VPS13A: variants seen among roughly 807,000 people sequenced by gnomAD.
VPS13A encodes vacuolar protein sorting 13 homolog A.
Under a neutral mutation model 390.9 loss-of-function variants are expected in VPS13A, and 264 were observed. The observed-to-expected ratio is 0.68, with a 90% CI of 0.61 to 0.75. The LOEUF (loss-of-function observed/expected upper bound fraction) is 0.75, where lower values mean the gene tolerates loss of function less well. Ranked by LOEUF, VPS13A falls within the 30% of genes least tolerant of loss-of-function variation. The probability of loss-of-function intolerance (pLI) is 0.00; values close to 1 mark genes in which losing one functional copy is unlikely to be tolerated. For synonymous variants in VPS13A, 1,231 were observed against 1,227.1 expected, an observed-to-expected ratio of 1.00 and a Z score of -0.07; for missense variants, 3,409 against 3,733.9, an observed-to-expected ratio of 0.91 and a Z score of 2.27.
At chr9:77,239,880 A>G (rs1824367687) in intron 19 of VPS13A, among the ~76,000 whole-genome samples, 1 of 151,862 alleles carries the variant, frequency 6.6e-6, no homozygotes, top group East Asian at 1.9e-4. Flanking sequence ...TTTTTATTTT[A>G]TAAATTACAG....
chr9:77,269,110 T>C (rs1035123615), intron 23 of VPS13A, among the ~76,000 whole-genome samples: 3 of 152,188 alleles, frequency 2.0e-5, no homozygotes, highest in African/African-American at 2.4e-5. Context: ...TTTCTCTAGA[T>C]ATTGAGCTTT....
chr9:77,247,741 A>G (rs950149457), intron 20 of VPS13A, among the ~76,000 whole-genome samples: 1 of 152,244 alleles, frequency 6.6e-6, no homozygotes, highest in East Asian at 1.9e-4. Context: ...GCTCACTGCA[A>G]CCTCTGCCTC....
chr9:77,343,728 G>A (rs552001052), intron 50 of VPS13A, among the ~76,000 whole-genome samples: 1 of 152,104 alleles, frequency 6.6e-6, no homozygotes, highest in African/African-American at 2.4e-5. Flanking sequence ...TACTTGTTTT[G>A]CGTACTTTGA....
Position 77,348,852 on chromosome 9 carries a change from C to T in VPS13A, c.7290-2465C>T, listed in dbSNP as rs1036871475. ...ATTGCCTGTCCCAGGTAGTCCAGTA[C>T]GTTTTTGCATAAGGAATACTCTGCA... On this transcript the variant is annotated intron_variant, in intron 52 of 71. Transcript: ENST00000360280. Among the ~76,000 whole-genome samples the T allele has an allele frequency of 2.6e-5, 4 of 152,052 alleles. No individual in the cohort carries two copies. The East Asian group carries it at 5.8e-4, about 22-fold the overall frequency.
intron 39 of VPS13A, among the ~76,000 whole-genome samples, chr9:77,316,862 ATACT>A (rs1367907320): frequency 6.6e-6 from 1 of 152,030 alleles, no homozygotes; most frequent in African/African-American, 2.4e-5. Flanking sequence ...TTGCTTTGAC[ATACT>A]TCACATTGAT....
At chr9:77,266,739 A>G (rs1826057781) in intron 23 of VPS13A, among the ~76,000 whole-genome samples, 1 of 152,050 alleles carries the variant, frequency 6.6e-6, no homozygotes, top group Non-Finnish European at 1.5e-5. Flanking sequence ...TCTCCTGGAT[A>G]ATATCCTGAA....
intron 23 of VPS13A, among the ~76,000 whole-genome samples, chr9:77,266,710 C>T (rs1826056861): frequency 6.6e-6 from 1 of 152,066 alleles, no homozygotes; most frequent in Non-Finnish European, 1.5e-5. Flanking sequence ...GTTGGCCTAT[C>T]TTGCTAGGTT....
At chr9:77,294,985 A>G (rs894402037) in intron 32 of VPS13A, among the ~76,000 whole-genome samples, 1 of 151,632 alleles carries the variant, frequency 6.6e-6, no homozygotes. Flanking sequence ...ATTTATTTTT[A>G]TAACCAAAAA....
At chr9:77,332,494 A>C (rs1830328120) in intron 46 of VPS13A, among the ~76,000 whole-genome samples, 1 of 151,852 alleles carries the variant, frequency 6.6e-6, no homozygotes, top group African/African-American at 2.4e-5. Flanking sequence ...AAATTCCTTT[A>C]GTAAACAATA....
rs549736047 is a variant in VPS13A, at chr9:77,282,957, A to G, written c.3119-398A>G. On this transcript the variant is annotated intron_variant, in intron 29 of 71. Transcript: ENST00000360280. ...GGTAACAGAGAGAGACTCTGTTTCG[A>G]AAAAAAAAAACAAAAAAGAGTATCA... Among the ~76,000 whole-genome samples, 25 of 125,896 alleles carry G rather than the reference A, an allele frequency of 2.0e-4. No homozygotes were observed. In the South Asian group the frequency reaches 3.0e-3, roughly 15 times the overall value. The allele number at this position is 125,896 out of a possible 152,430, so 82.6% of individuals were successfully genotyped here. A position where few individuals can be genotyped will look rare whatever the true frequency, so the allele number is the denominator to read the frequency against.
Position 77,332,076 on chromosome 9 carries a change from C to T in VPS13A, c.6058C>T (p.Pro2020Ser). The T allele has an allele frequency of 6.2e-7, 1 of 1,612,022 alleles. No homozygotes were observed. The highest frequency in any genetic ancestry group is 8.5e-7 in the Non-Finnish European group (1 of 1,178,600). ...GGATACCTTATTGGGAACTGCCTCA[C>T]CTGAAAATGAATTCAACATACCATT... ...EGDTLLGTAS[P>S]ENEFNIPLGS... Residue 2020 changes from proline (P) to serine (S), a missense_variant, in exon 46 of 72, where the codon CCT becomes TCT. Physicochemically the swap from Pro to Ser is moderately conservative, Grantham distance 74 (BLOSUM62 -1). Around this residue, in one of 5 missense-constraint regions of VPS13A, gnomAD observed 2,717 missense variants for 2,917.4 expected, o/e 0.93. Coordinates refer to ENST00000360280, the MANE Select transcript of VPS13A (RefSeq NM_033305.3).
intron 20 of VPS13A, among the ~76,000 whole-genome samples, chr9:77,248,641 A>T (rs547505881): frequency 1.3e-5 from 2 of 152,240 alleles, no homozygotes; most frequent in East Asian, 3.9e-4. Flanking sequence ...GGGGTTATTT[A>T]AATTAATTAG....
intron 23 of VPS13A, among the ~76,000 whole-genome samples, chr9:77,271,805 G>A (rs1290062295): frequency 1.3e-5 from 2 of 151,984 alleles, no homozygotes; most frequent in Non-Finnish European, 2.9e-5. Flanking sequence ...GAAAATAATA[G>A]CCCAGTTTCA....
chr9:77,347,578 G>A (rs923752769), intron 52 of VPS13A, among the ~76,000 whole-genome samples: 1 of 152,134 alleles, frequency 6.6e-6, no homozygotes, highest in African/African-American at 2.4e-5. Flanking sequence ...CCAGGCTCAA[G>A]TGATTCTCAT....
rs564205176 is a variant in VPS13A, at chr9:77,273,583, A to G, written c.2512+219A>G. 2.6e-5 allele frequency among the ~76,000 whole-genome samples: 4 copies of G among 152,344 alleles called. No individual in the cohort carries two copies. The South Asian group carries it at 8.3e-4, about 32-fold the overall frequency. ...TTTCATGGGTACATGCAAGAAGCTC[A>G]GGAATGAGTAACTCAAGGTGGTGAT... On this transcript the variant is annotated intron_variant, in intron 24 of 71. Coordinates refer to ENST00000360280, the MANE Select transcript of VPS13A (RefSeq NM_033305.3).
At position 77,253,936 on chromosome 9, in the gene VPS13A, C is replaced by CTTT. The variant is rs1172781069; in HGVS notation, c.2288+1608_2288+1610dup. On this transcript the variant is annotated intron_variant, in intron 22 of 71. Coordinates refer to ENST00000360280, the MANE Select transcript of VPS13A (RefSeq NM_033305.3). ...TATAGGATAAGGACCGGCCTTTATT[C>CTTT]TTTTTTTTTTTTTTTTTTTTTTTTT... Among the ~76,000 whole-genome samples, 50 of 55,064 alleles carry CTTT rather than the reference C, an allele frequency of 9.1e-4. 3 individuals are homozygous for CTTT. The highest frequency in any genetic ancestry group is 1.7e-3 in the African/African-American group (24 of 14,496). The allele number at this position is 55,064 out of a possible 152,430, so 36.1% of individuals were successfully genotyped here. A position where few individuals can be genotyped will look rare whatever the true frequency, so the allele number is the denominator to read the frequency against.
At chr9:77,353,791 G>A in intron 54 of VPS13A, 150 bp downstream of exon 54, 1 of 798,510 alleles carries the variant, frequency 1.3e-6, no homozygotes, top group Non-Finnish European at 1.9e-6. Flanking sequence ...ATGTGCTTGA[G>A]GGAATTTTTT....
Position 77,420,035 on chromosome 9 carries a change from C to A in VPS13A, c.*4029C>A, listed in dbSNP as rs1215881861. ...ATGCAGGACTCAATACAGACTTAGT[C>A]AATCTGATTTTTTTTGGTGCTTTTC... On this transcript the variant is annotated 3_prime_UTR_variant, in exon 72 of 72. Coordinates refer to ENST00000360280, the MANE Select transcript of VPS13A (RefSeq NM_033305.3). The A allele has an allele frequency of 6.6e-6, 1 of 152,116 alleles. No homozygotes were observed. Among genetic ancestry groups the A allele is most frequent in the East Asian group, 1.9e-4 (1 of 5,192 alleles). The allele number at this position is 152,116 out of a possible 1,614,324, so 9.4% of individuals were successfully genotyped here.
At chr9:77,410,234 A>C (rs11145417) in intron 71 of VPS13A, among the ~76,000 whole-genome samples, 43,472 of 151,514 alleles carry the variant, frequency 0.29, 6,427 homozygotes, top group African/African-American at 0.3. Flanking sequence ...CCTTTACAGA[A>C]AGGCAAATGC....
Sources: allele counts gnomAD v4.1 joint callset (sites outside exome capture counted in the v4.1 genomes callset), GRCh38; gene constraint gnomAD v4.1.1; regional missense constraint gnomAD v4.1.1; transcripts MANE v1.5; gene names NCBI Gene and HGNC (gene_info 2026-07-23, HGNC 2026-07-21).